Variants in STX8 observed in about 807,000 individuals in gnomAD.
STX8 encodes syntaxin-8.
In STX8, 23 loss-of-function variants were observed where a neutral mutation model predicts 37.5. The observed-to-expected ratio is 0.61, with a 90% CI of 0.44 to 0.87. STX8 has a LOEUF of 0.87. STX8 is among the 40% of genes least tolerant of loss of function. The pLI, the probability that STX8 is intolerant of heterozygous loss-of-function variation, is 0.00. For synonymous variants in STX8, 115 were observed against 99.1 expected, an observed-to-expected ratio of 1.16 and a Z score of -0.95; for missense variants, 313 against 284.7, an observed-to-expected ratio of 1.10 and a Z score of -0.71.
chr17:9,296,601 G>GA (rs1042903481), intron 7 of STX8, among the ~76,000 whole-genome samples: 2 of 144,604 alleles, frequency 1.4e-5, no homozygotes, highest in South Asian at 2.2e-4. Context: ...TGGCTGGAAG[G>GA]AAAAAAAGAA....
chr17:9,294,088 T>C lies in STX8; in HGVS notation c.644-43443A>G, dbSNP rs1567771679. ...CCCAAGTCTTATTTTCTCCATCTTA[T>C]AGATGAAGCAAATGATGAAGATTCC... On this transcript the variant is annotated intron_variant, in intron 7 of 7. Transcript: ENST00000306357. 5.9e-5 allele frequency among the ~76,000 whole-genome samples: 9 copies of C among 152,282 alleles called. No homozygotes were observed. In the South Asian group the frequency reaches 1.7e-3, roughly 28 times the overall value.
chr17:9,453,729 G>A lies in STX8; in HGVS notation c.541+38100C>T, dbSNP rs369608421. On this transcript the variant is annotated intron_variant, in intron 6 of 7. Coordinates refer to ENST00000306357, the MANE Select transcript of STX8 (RefSeq NM_004853.3). The stretch of plus-strand genomic sequence containing the variant: ...GCTGGTCTCAAACTCCTGACCTCAG[G>A]TGATCCACCCACCTCAGCCTCTAAA... Among the ~76,000 whole-genome samples the A allele has an allele frequency of 2.0e-4, 31 of 152,136 alleles. No individual in the cohort carries two copies. In the South Asian group the frequency reaches 6.2e-3, roughly 31 times the overall value.
chr17:9,260,976 C>T (rs1051613945), intron 7 of STX8, among the ~76,000 whole-genome samples: 3 of 151,864 alleles, frequency 2.0e-5, no homozygotes, highest in African/African-American at 7.3e-5. Flanking sequence ...CCAGAGGGAG[C>T]AAGAGAATCA....
chr17:9,409,454 G>A (rs766190682), intron 6 of STX8, among the ~76,000 whole-genome samples: 5 of 152,086 alleles, frequency 3.3e-5, no homozygotes, highest in East Asian at 3.8e-4. Context: ...CATGAATCAC[G>A]GATTTCCCTT....
intron 6 of STX8, among the ~76,000 whole-genome samples, chr17:9,458,820 G>A (rs1209712487): frequency 7.5e-6 from 1 of 133,282 alleles, no homozygotes; most frequent in Non-Finnish European, 1.5e-5. Context: ...AATCACTCCA[G>A]TTATTTAATT....
chr17:9,569,770 A>AC (rs1907611934), intron 1 of STX8: 2 of 152,292 alleles, frequency 1.3e-5, no homozygotes, highest in Non-Finnish European at 2.9e-5. Flanking sequence ...ACATAGTGAA[A>AC]CCCCGTCTCA....
At chr17:9,540,449 T>G (rs1906234493) in intron 4 of STX8, among the ~76,000 whole-genome samples, 1 of 152,194 alleles carries the variant, frequency 6.6e-6, no homozygotes, top group South Asian at 2.1e-4. Flanking sequence ...CATGTTCCCG[T>G]TACGGTGTTG....
intron 4 of STX8, among the ~76,000 whole-genome samples, chr17:9,512,664 G>A (rs1905053033): frequency 2.6e-5 from 4 of 152,046 alleles, no homozygotes. Flanking sequence ...ATGTTGCCCA[G>A]GCTGGCCTCA....
At chr17:9,546,774 T>C (rs529693643) in intron 3 of STX8, among the ~76,000 whole-genome samples, 197 of 150,970 alleles carry the variant, frequency 1.3e-3, no homozygotes, top group African/African-American at 4.5e-3. Flanking sequence ...ATTTTTTGTA[T>C]TTTTGGTAGA....
chr17:9,565,832 G>A (rs1014904098), intron 2 of STX8, among the ~76,000 whole-genome samples: 3 of 152,078 alleles, frequency 2.0e-5, no homozygotes, highest in African/African-American at 7.2e-5. Flanking sequence ...AGACTTAACT[G>A]TAAAACCTAA....
chr17:9,401,039 T>C (rs1237434386), intron 6 of STX8, among the ~76,000 whole-genome samples: 1 of 152,170 alleles, frequency 6.6e-6, no homozygotes, highest in Non-Finnish European at 1.5e-5. Context: ...ATCCAGATCT[T>C]AGGATATGTC....
intron 4 of STX8, among the ~76,000 whole-genome samples, chr17:9,517,031 C>G (rs1332593539): frequency 6.6e-6 from 1 of 152,164 alleles, no homozygotes; most frequent in Non-Finnish European, 1.5e-5. Context: ...TTTAATCCTG[C>G]AAAAGATGAT....
At chr17:9,380,023 T>C (rs1197128895) in intron 6 of STX8, among the ~76,000 whole-genome samples, 1 of 152,030 alleles carries the variant, frequency 6.6e-6, no homozygotes, top group Non-Finnish European at 1.5e-5. Flanking sequence ...TTAATTCTAA[T>C]CTTTTTAAGT....
chr17:9,339,768 A>T (rs952447815), intron 7 of STX8, among the ~76,000 whole-genome samples: 13 of 152,278 alleles, frequency 8.5e-5, no homozygotes, highest in Admixed American at 7.9e-4. Context: ...CTGTCATCAC[A>T]TATATAAGAC....
At chr17:9,358,829 A>G (rs1910966371) in intron 7 of STX8, among the ~76,000 whole-genome samples, 1 of 152,158 alleles carries the variant, frequency 6.6e-6, no homozygotes, top group African/African-American at 2.4e-5. Context: ...AGTAGGGGGA[A>G]AAGATTACAA....
chr17:9,506,418 C>CCG lies in STX8; in HGVS notation c.324-1257_324-1256insCG, dbSNP rs1046848287. Among the ~76,000 whole-genome samples the CCG allele has an allele frequency of 2.8e-4, 28 of 98,604 alleles. 1 individual carries two copies. The highest frequency in any genetic ancestry group is 4.2e-3 in the Middle Eastern group (1 of 238). 64.7% of individuals were successfully genotyped at this position (98,604 alleles called of 152,430 possible). ...TGGTGCTCACCCGCTCCCCCCCCCCCCCACCCACCTTTCTTAGGAAAGGAC... is the reference window on the plus strand; with the variant it reads ...TGGTGCTCACCCGCTCCCCCCCCCCCCGCCACCCACCTTTCTTAGGAAAGGAC... On this transcript the variant is annotated intron_variant, in intron 4 of 7. Coordinates refer to ENST00000306357, the MANE Select transcript of STX8 (RefSeq NM_004853.3).
At chr17:9,313,571 G>T (rs976862455) in intron 7 of STX8, among the ~76,000 whole-genome samples, 2 of 152,200 alleles carry the variant, frequency 1.3e-5, no homozygotes, top group African/African-American at 4.8e-5. Context: ...CAGCTGCCAT[G>T]CCCATCACAA....
chr17:9,421,072 T>TC (rs1214368025), intron 6 of STX8, among the ~76,000 whole-genome samples: 1 of 152,060 alleles, frequency 6.6e-6, no homozygotes, highest in Non-Finnish European at 1.5e-5. Context: ...CCTATACCTA[T>TC]CCCTAATCTA....
intron 4 of STX8, among the ~76,000 whole-genome samples, chr17:9,527,500 T>C (rs1385418209): frequency 6.6e-6 from 1 of 152,184 alleles, no homozygotes; most frequent in Admixed American, 6.5e-5. Context: ...GATTAGGTAA[T>C]TCTACTTTCT....
Sources: gnomAD v4.1 joint callset for allele counts (sites outside exome capture counted in the v4.1 genomes callset) on GRCh38, gnomAD v4.1.1 for gene constraint, MANE v1.5 for transcripts, NCBI Gene and HGNC (gene_info 2026-07-23, HGNC 2026-07-21) for gene names.